KCNJ3: variants seen among roughly 807,000 people sequenced by gnomAD.
The protein encoded by KCNJ3 is potassium inwardly rectifying channel subfamily J member 3.
In KCNJ3, 4 loss-of-function variants were observed where a neutral mutation model predicts 39.2. The ratio of observed to expected loss-of-function variants is 0.10; its 90% CI spans 0.05 to 0.23. KCNJ3 has a LOEUF of 0.23. Among genes scored for constraint, KCNJ3 ranks in the 10% least tolerant of loss-of-function variants. The pLI is 1.00. For synonymous variants in KCNJ3, 230 were observed against 237.4 expected (o/e 0.97, Z 0.29); for missense variants, 276 against 634.9 (o/e 0.43, Z 6.08).
chr2:154,725,529 GT>G (rs1320691245), intron 2 of KCNJ3, among the ~76,000 whole-genome samples: 3 of 151,588 alleles, frequency 2.0e-5, no homozygotes, highest in South Asian at 2.1e-4. Flanking sequence ...CACTCCCAGT[GT>G]TTTTTTCCTA....
intron 2 of KCNJ3, among the ~76,000 whole-genome samples, chr2:154,779,623 A>G (rs1312689574): frequency 6.6e-6 from 1 of 150,870 alleles, no homozygotes; most frequent in Non-Finnish European, 1.5e-5. Flanking sequence ...GGCTCACTGA[A>G]ACCTCCACCT....
intron 2 of KCNJ3, among the ~76,000 whole-genome samples, chr2:154,852,351 G>A (rs886984965): frequency 1.3e-5 from 2 of 152,132 alleles, no homozygotes; most frequent in African/African-American, 4.8e-5. Flanking sequence ...AACTGAGATG[G>A]TGCCACTGCA....
chr2:154,802,647 T>G (rs958983895), intron 2 of KCNJ3, among the ~76,000 whole-genome samples: 1 of 152,178 alleles, frequency 6.6e-6, no homozygotes, highest in Non-Finnish European at 1.5e-5. Context: ...TTCCCAGTTC[T>G]CTTTCATATA....
At chr2:154,798,171 C>A (rs1686752635) in intron 2 of KCNJ3, among the ~76,000 whole-genome samples, 1 of 148,796 alleles carries the variant, frequency 6.7e-6, no homozygotes. Flanking sequence ...ACCACAAATA[C>A]CCATCATTCG....
intron 2 of KCNJ3, among the ~76,000 whole-genome samples, chr2:154,760,885 C>T (rs1224951560): frequency 2.7e-5 from 4 of 150,498 alleles, no homozygotes; most frequent in Non-Finnish European, 3.0e-5. Context: ...TACAGGTGCC[C>T]GCCACCACAC....
intron 2 of KCNJ3, among the ~76,000 whole-genome samples, chr2:154,794,512 T>C (rs1319299390): frequency 6.6e-6 from 1 of 152,024 alleles, no homozygotes; most frequent in Non-Finnish European, 1.5e-5. Context: ...TAGAGCAGCA[T>C]GCAATATGTT....
At chr2:154,832,657 G>GAGTT (rs1687383147) in intron 2 of KCNJ3, among the ~76,000 whole-genome samples, 1 of 151,392 alleles carries the variant, frequency 6.6e-6, no homozygotes, top group Admixed American at 6.6e-5. Flanking sequence ...AAATAACTTG[G>GAGTT]AGTTATTAAC....
chr2:154,826,348 C>T (rs1687272034), intron 2 of KCNJ3, among the ~76,000 whole-genome samples: 1 of 152,138 alleles, frequency 6.6e-6, no homozygotes, highest in Non-Finnish European at 1.5e-5. Context: ...GAAATGTTAA[C>T]CTTGGCATCT....
At chr2:154,734,899 G>A (rs1685501072) in intron 2 of KCNJ3, among the ~76,000 whole-genome samples, 2 of 152,218 alleles carry the variant, frequency 1.3e-5, no homozygotes, top group Admixed American at 1.3e-4. Context: ...ATTTAAGAAT[G>A]AGGACTCAAC....
At chr2:154,846,564 A>T (rs997208412) in intron 2 of KCNJ3, among the ~76,000 whole-genome samples, 21 of 152,148 alleles carry the variant, frequency 1.4e-4, no homozygotes, top group Admixed American at 1.4e-3. Flanking sequence ...ACATCTTACT[A>T]ACAGTGAGTT....
intron 2 of KCNJ3, among the ~76,000 whole-genome samples, chr2:154,815,599 C>G (rs1010219649): frequency 1.3e-5 from 2 of 152,310 alleles, no homozygotes. Context: ...TGTACTTATG[C>G]ATAGGCATAT....
intron 2 of KCNJ3, among the ~76,000 whole-genome samples, chr2:154,736,780 T>G (rs1184653441): frequency 6.6e-6 from 1 of 152,094 alleles, no homozygotes; most frequent in Non-Finnish European, 1.5e-5. Flanking sequence ...TTCAGGACAA[T>G]TGGATGTCAC....
chr2:154,815,603 G>T (rs1021144896), intron 2 of KCNJ3, among the ~76,000 whole-genome samples: 1 of 152,174 alleles, frequency 6.6e-6, no homozygotes, highest in Admixed American at 6.5e-5. Context: ...CTTATGCATA[G>T]GCATATATGA....
intron 2 of KCNJ3, among the ~76,000 whole-genome samples, chr2:154,756,404 A>G (rs954840465): frequency 6.6e-6 from 1 of 152,178 alleles, no homozygotes; most frequent in Non-Finnish European, 1.5e-5. Context: ...AGTGAATATC[A>G]GATAGATATA....
chr2:154,812,966 A>C (rs895457903), intron 2 of KCNJ3, among the ~76,000 whole-genome samples: 3 of 152,174 alleles, frequency 2.0e-5, no homozygotes, highest in Non-Finnish European at 4.4e-5. Context: ...AGTGTTTTAC[A>C]TTTAGTGTAT....
intron 2 of KCNJ3, among the ~76,000 whole-genome samples, chr2:154,802,917 GA>G (rs1483895524): frequency 6.6e-6 from 1 of 151,916 alleles, no homozygotes; most frequent in Non-Finnish European, 1.5e-5. Flanking sequence ...ATAGTTTACA[GA>G]TTCTAGATTT....
chr2:154,831,801 G>A (rs962315309), intron 2 of KCNJ3, among the ~76,000 whole-genome samples: 1 of 152,134 alleles, frequency 6.6e-6, no homozygotes, highest in Non-Finnish European at 1.5e-5. Flanking sequence ...ACATCTAGGT[G>A]GGGATGTATC....
At chr2:154,804,264 G>C (rs1167274521) in intron 2 of KCNJ3, among the ~76,000 whole-genome samples, 1 of 152,122 alleles carries the variant, frequency 6.6e-6, no homozygotes, top group Non-Finnish European at 1.5e-5. Flanking sequence ...ATCCAAAGGT[G>C]CAGGTGTACA....
At chr2:154,842,923 T>A (rs1482828017) in intron 2 of KCNJ3, among the ~76,000 whole-genome samples, 2 of 152,206 alleles carry the variant, frequency 1.3e-5, no homozygotes, top group African/African-American at 4.8e-5. Flanking sequence ...AATTGGAACA[T>A]TTAGCCCATT....
Sources: allele counts gnomAD v4.1 joint callset (sites outside exome capture counted in the v4.1 genomes callset), GRCh38; gene constraint gnomAD v4.1.1; transcripts MANE v1.5; gene names NCBI Gene and HGNC (gene_info 2026-07-23, HGNC 2026-07-21).